Variants in MAGI2 observed in about 807,000 individuals in gnomAD.
MAGI2 encodes the protein membrane associated guanylate kinase, WW and PDZ domain containing 2, also known as membrane-associated guanylate kinase, WW and PDZ domain-containing protein 2.
MAGI2 carries 35 observed loss-of-function variants against 133.3 expected under a neutral mutation model. That is an observed-to-expected ratio of 0.26 (90% CI 0.20 to 0.35). The LOEUF (loss-of-function observed/expected upper bound fraction) is 0.35, where lower values mean the gene tolerates loss of function less well. Among genes scored for constraint, MAGI2 ranks in the 10% least tolerant of loss-of-function variants. MAGI2 has a pLI of 1.00. For synonymous variants in MAGI2, 729 were observed against 710.6 expected (o/e 1.03, Z -0.41); for missense variants, 1,636 against 1,863.4 (o/e 0.88, Z 2.25).
intron 1 of MAGI2, among the ~76,000 whole-genome samples, chr7:79,098,107 G>C (rs1238069847): frequency 6.6e-6 from 1 of 152,168 alleles, no homozygotes; most frequent in Non-Finnish European, 1.5e-5. Context: ...GGGTGACAGA[G>C]AGAGACCCTG....
At chr7:78,654,696 C>CATATATGTATATATATATATATAT (rs1811944347) in intron 2 of MAGI2, among the ~76,000 whole-genome samples, 1 of 78,902 alleles carries the variant, frequency 1.3e-5, no homozygotes, top group African/African-American at 5.3e-5. Flanking sequence ...TGTACTTTTA[C>CATATATGTATATATATATATATAT]ATATATGTAT....
At chr7:78,581,218 T>A (rs1184887746) in intron 3 of MAGI2, among the ~76,000 whole-genome samples, 1 of 152,168 alleles carries the variant, frequency 6.6e-6, no homozygotes, top group Non-Finnish European at 1.5e-5. Context: ...GGAGGATATG[T>A]ATAAGCACCT....
chr7:78,722,840 T>C (rs954200444), intron 2 of MAGI2, among the ~76,000 whole-genome samples: 12 of 152,124 alleles, frequency 7.9e-5, no homozygotes, highest in African/African-American at 2.2e-4. Flanking sequence ...TGGGTACTTA[T>C]GTTTTATAGG....
At position 78,292,345 on chromosome 7, in the gene MAGI2, A is replaced by G. The variant is rs191171175; in HGVS notation, c.1409-35764T>C. Among the ~76,000 whole-genome samples the G allele has an allele frequency of 1.5e-3, 235 of 152,336 alleles. 3 individuals are homozygous for G. The highest frequency in any genetic ancestry group is 0.012 in the Admixed American group (181 of 15,300). On this transcript the variant is annotated intron_variant, in intron 9 of 21. Transcript: ENST00000354212. The stretch of plus-strand genomic sequence containing the variant: ...ACTCCCATTCACAACTGCTTCAAAG[A>G]GAATAAAATACCTAGGAATCCAACT...
In MAGI2 at chr7:79,280,557, G is replaced by T. The variant is rs558970780; in HGVS notation, c.301+172463C>A. Among the ~76,000 whole-genome samples, 8 of 152,168 alleles carry T rather than the reference G, an allele frequency of 5.3e-5. No homozygotes were observed. In the East Asian group the frequency reaches 1.5e-3, roughly 29 times the overall value. On this transcript the variant is annotated intron_variant, in intron 1 of 21. Transcript: ENST00000354212. ...TAAGATTACTTGTTGGGAAATTGAT[G>T]CAGCAATACATTTTTTTAAATTTAT...
chr7:78,926,561 C>T (rs1799707990), intron 2 of MAGI2, among the ~76,000 whole-genome samples: 1 of 151,938 alleles, frequency 6.6e-6, no homozygotes, highest in Non-Finnish European at 1.5e-5. Context: ...ATTCCAAATG[C>T]CCTTCCCAAG....
chr7:79,304,233 A>G (rs1352518783), intron 1 of MAGI2, among the ~76,000 whole-genome samples: 2 of 9,024 alleles, frequency 2.2e-4, no homozygotes, highest in Non-Finnish European at 6.1e-4. Flanking sequence ...GTGTGTGTGT[A>G]GATTTCTAGA....
At chr7:78,393,662 A>G (rs1014802052) in intron 6 of MAGI2, among the ~76,000 whole-genome samples, 1 of 152,224 alleles carries the variant, frequency 6.6e-6, no homozygotes, top group Non-Finnish European at 1.5e-5. Context: ...TAATGACAGT[A>G]GGTAGAGAGA....
At position 79,038,766 on chromosome 7, in the gene MAGI2, T is replaced by C. The variant is rs192392789; in HGVS notation, c.302-31560A>G. On this transcript the variant is annotated intron_variant, in intron 1 of 21. Transcript: ENST00000354212. ...TTCAAGGCTTTTTGCTTTTCTAAAA[T>C]ATACTGCTGTAATGCAGCCTTGCCT... 2.0e-5 allele frequency among the ~76,000 whole-genome samples: 3 copies of C among 152,338 alleles called. No homozygotes were observed. The East Asian group carries it at 5.8e-4, about 29-fold the overall frequency.
intron 3 of MAGI2, among the ~76,000 whole-genome samples, chr7:78,604,611 C>A (rs1805602149): frequency 6.6e-6 from 1 of 152,112 alleles, no homozygotes; most frequent in Admixed American, 6.5e-5. Flanking sequence ...CCTTATCAAG[C>A]TTACATTTAT....
At position 79,399,095 on chromosome 7, in the gene MAGI2, C is replaced by CTTTTTTT. The variant is rs767332496; in HGVS notation, c.301+53918_301+53924dup. Among the ~76,000 whole-genome samples the CTTTTTTT allele has an allele frequency of 7.3e-3, 778 of 106,206 alleles. 47 individuals are homozygous for CTTTTTTT. The highest frequency in any genetic ancestry group is 0.029 in the African/African-American group (722 of 24,938). 69.7% of individuals were successfully genotyped at this position (106,206 alleles called of 152,430 possible). A position where few individuals can be genotyped will look rare whatever the true frequency, so the allele number is the denominator to read the frequency against. On this transcript the variant is annotated intron_variant, in intron 1 of 21. Coordinates refer to ENST00000354212, the MANE Select transcript of MAGI2 (RefSeq NM_012301.4). ...GTATTATTTCTTTTTTTTTTCTTTT[C>CTTTTTTT]TTTTTTTTTTTTTTTGGGAGATGGA... is the stretch of plus-strand genomic sequence containing the variant.
intron 2 of MAGI2, among the ~76,000 whole-genome samples, chr7:78,724,156 A>G (rs1030090009): frequency 2.6e-5 from 4 of 152,180 alleles, no homozygotes; most frequent in African/African-American, 9.7e-5. Context: ...GGAAATGTAT[A>G]GAAGAATGAA....
At chr7:79,292,059 C>A (rs1273881734) in intron 1 of MAGI2, among the ~76,000 whole-genome samples, 1 of 152,008 alleles carries the variant, frequency 6.6e-6, no homozygotes, top group African/African-American at 2.4e-5. Context: ...GCTCTATGAT[C>A]CAGTTATAGT....
At chr7:78,052,927 A>T (rs572978566) in intron 21 of MAGI2, among the ~76,000 whole-genome samples, 111 of 152,266 alleles carry the variant, frequency 7.3e-4, no homozygotes, top group African/African-American at 2.6e-3. Context: ...CCAATAGGAG[A>T]CTGCTTAAAT....
Position 78,070,156 on chromosome 7 carries a change from T to C in MAGI2, c.3706+8791A>G, listed in dbSNP as rs949441493. On this transcript the variant is annotated intron_variant, in intron 21 of 21. Transcript: ENST00000354212. ...ATGTGTGTGTATATATATACACACATATATATACACACACACACATATATA... is the reference window on the plus strand; with the variant it reads ...ATGTGTGTGTATATATATACACACACATATATACACACACACACATATATA... Among the ~76,000 whole-genome samples, 47 of 54,002 alleles carry C rather than the reference T, an allele frequency of 8.7e-4. 1 individual carries two copies. The highest frequency in any genetic ancestry group is 7.7e-3 in the Admixed American group (33 of 4,312). 35.4% of individuals were successfully genotyped at this position (54,002 alleles called of 152,430 possible). A position where few individuals can be genotyped will look rare whatever the true frequency, so the allele number is the denominator to read the frequency against.
intron 14 of MAGI2, among the ~76,000 whole-genome samples, chr7:78,171,547 C>A (rs775038455): frequency 6.6e-6 from 1 of 152,224 alleles, no homozygotes; most frequent in Non-Finnish European, 1.5e-5. Flanking sequence ...ATTCTTCTCA[C>A]TTCCCAATAG....
At chr7:78,818,648 G>T (rs778619571) in intron 2 of MAGI2, among the ~76,000 whole-genome samples, 2 of 152,144 alleles carry the variant, frequency 1.3e-5, no homozygotes, top group Non-Finnish European at 2.9e-5. Flanking sequence ...CATCCACATT[G>T]TTGGTTTAGT....
chr7:79,000,300 C>T (rs1022047251), intron 2 of MAGI2: 1 of 152,150 alleles, frequency 6.6e-6, no homozygotes, highest in Non-Finnish European at 1.5e-5. Context: ...GTCACTCTCC[C>T]TTCTTACAAC....
At chr7:78,289,784 A>G (rs1251394016) in intron 9 of MAGI2, among the ~76,000 whole-genome samples, 2 of 152,224 alleles carry the variant, frequency 1.3e-5, no homozygotes, top group African/African-American at 4.8e-5. Flanking sequence ...AAGCCAGAAG[A>G]GAGTAGGGGC....
Sources: gnomAD v4.1 joint callset for allele counts (sites outside exome capture counted in the v4.1 genomes callset) on GRCh38, gnomAD v4.1.1 for gene constraint, MANE v1.5 for transcripts, NCBI Gene and HGNC (gene_info 2026-07-23, HGNC 2026-07-21) for gene names.